The following BCAR3 variants were observed in gnomAD, a reference collection of about 807,000 sequenced individuals.
BCAR3 encodes the protein breast cancer anti-estrogen resistance protein 3.
In BCAR3, 37 loss-of-function variants were observed where a neutral mutation model predicts 80.1. The observed-to-expected ratio is 0.46, with a 90% CI of 0.36 to 0.61. The LOEUF (loss-of-function observed/expected upper bound fraction) is 0.61. Among genes scored for constraint, BCAR3 ranks in the 20% least tolerant of loss-of-function variants. The probability of loss-of-function intolerance (pLI) is 0.00; values close to 1 mark genes in which losing one functional copy is unlikely to be tolerated. For missense variants in BCAR3, 978 were observed against 1,068.2 expected, an observed-to-expected ratio of 0.92 and a Z score of 1.18; for synonymous variants, 389 against 418.9, an observed-to-expected ratio of 0.93 and a Z score of 0.87.
At chr1:93,606,175 A>G (rs72963379) in intron 3 of BCAR3, among the ~76,000 whole-genome samples, 4,854 of 152,308 alleles carry the variant, frequency 0.032, 255 homozygotes, top group African/African-American at 0.11. Flanking sequence ...AGCTCAAAGC[A>G]CTAGATACCC....
At chr1:93,831,582 C>T (rs938953356) in intron 2 of BCAR3, among the ~76,000 whole-genome samples, 4 of 152,226 alleles carry the variant, frequency 2.6e-5, no homozygotes, top group African/African-American at 4.8e-5. Context: ...GTTCCTGAAG[C>T]GACTCGTCCC....
chr1:93,572,537 A>G (rs1234700274), intron 8 of BCAR3, among the ~76,000 whole-genome samples: 2 of 152,230 alleles, frequency 1.3e-5, no homozygotes, highest in Non-Finnish European at 2.9e-5. Flanking sequence ...TCAACCTCAG[A>G]GACCCAAAAC....
At chr1:93,644,791 G>T (rs1162039288) in intron 2 of BCAR3, among the ~76,000 whole-genome samples, 1 of 152,198 alleles carries the variant, frequency 6.6e-6, no homozygotes, top group African/African-American at 2.4e-5. Flanking sequence ...CACCCAGTTT[G>T]AGCTTCTCCT....
intron 2 of BCAR3, among the ~76,000 whole-genome samples, chr1:93,659,611 A>G (rs1557643532): frequency 1.3e-5 from 2 of 152,068 alleles, no homozygotes. Context: ...GTTCTATTAG[A>G]TAAGGTTATT....
intron 3 of BCAR3, among the ~76,000 whole-genome samples, chr1:93,607,698 C>T (rs1308138753): frequency 6.6e-6 from 1 of 152,178 alleles, no homozygotes; most frequent in Non-Finnish European, 1.5e-5. Flanking sequence ...CTCAAGCTCC[C>T]GTATAGGAAG....
chr1:93,680,450 C>A (rs547948548), intron 1 of BCAR3, among the ~76,000 whole-genome samples: 2 of 152,292 alleles, frequency 1.3e-5, no homozygotes, highest in African/African-American at 4.8e-5. Flanking sequence ...CGGGTAGCCC[C>A]TTCCCACTTG....
intron 3 of BCAR3, among the ~76,000 whole-genome samples, chr1:93,639,114 G>A (rs1457468936): frequency 6.6e-6 from 1 of 152,174 alleles, no homozygotes; most frequent in African/African-American, 2.4e-5. Flanking sequence ...CAGCCCTGGG[G>A]CTTCCCAGCC....
intron 2 of BCAR3, chr1:93,752,788 T>C (rs764136923): frequency 4.6e-5 from 7 of 152,234 alleles, no homozygotes; most frequent in Non-Finnish European, 1.0e-4. Flanking sequence ...GAGTGCCTCC[T>C]TCACCATTTC....
chr1:93,609,999 G>A (rs951184436), intron 3 of BCAR3, among the ~76,000 whole-genome samples: 4 of 152,188 alleles, frequency 2.6e-5, no homozygotes, highest in African/African-American at 9.7e-5. Context: ...AGTGATAACC[G>A]ATCGTTTCCT....
intron 2 of BCAR3, among the ~76,000 whole-genome samples, chr1:93,761,503 G>T (rs1302959906): frequency 6.6e-6 from 1 of 152,174 alleles, no homozygotes; most frequent in Non-Finnish European, 1.5e-5. Context: ...GAAACCACAG[G>T]CTGGTCTTTG....
intron 9 of BCAR3, among the ~76,000 whole-genome samples, chr1:93,569,120 A>C (rs1377133846): frequency 6.6e-6 from 1 of 152,250 alleles, no homozygotes; most frequent in Non-Finnish European, 1.5e-5. Context: ...AAAACCGGCA[A>C]GGCTATGTTA....
intron 2 of BCAR3, among the ~76,000 whole-genome samples, chr1:93,659,365 TA>T (rs1647541284): frequency 6.6e-6 from 1 of 151,846 alleles, no homozygotes. Context: ...TTTTATTTTT[TA>T]TTTTTTTGTA....
Position 93,810,021 on chromosome 1 carries a change from C to T in BCAR3, c.-63+35546G>A, listed in dbSNP as rs192090108. On this transcript the variant is annotated intron_variant, in intron 2 of 13. Transcript: ENST00000370244. ...TTCGAGACCAGCCTGGCCAAGATAG[C>T]TCTACTAAAAAAAAATACAAAAATT... 1.0e-3 allele frequency among the ~76,000 whole-genome samples: 151 copies of T among 151,146 alleles called. 1 individual carries two copies. Among genetic ancestry groups the T allele is most frequent in the Middle Eastern group, 7.0e-3 (2 of 286 alleles).
intron 3 of BCAR3, among the ~76,000 whole-genome samples, chr1:93,619,826 A>G (rs1432923356): frequency 3.3e-5 from 5 of 152,244 alleles, no homozygotes; most frequent in South Asian, 4.1e-4. Flanking sequence ...CTTGTCTTCA[A>G]AATGGCTCTG....
At chr1:93,570,376 T>A (rs1222275945) in intron 9 of BCAR3, among the ~76,000 whole-genome samples, 1 of 152,114 alleles carries the variant, frequency 6.6e-6, no homozygotes, top group Non-Finnish European at 1.5e-5. Context: ...ACTAGAAAGT[T>A]TTGCTGGCTG....
At position 93,846,669 on chromosome 1, in the gene BCAR3, C is replaced by G. The variant is rs142484350; in HGVS notation, c.-209+401G>C. Among the ~76,000 whole-genome samples, 686 of 152,044 alleles carry G rather than the reference C, an allele frequency of 4.5e-3. 3 individuals carry two copies. Among genetic ancestry groups the G allele is most frequent in the Non-Finnish European group, 7.5e-3 (511 of 67,916 alleles). ...AGCGCGCGCCCTCCGACCACATGCACCCGCATACGCATGCTCCCAGCGCTC... is the reference window on the plus strand; with the variant it reads ...AGCGCGCGCCCTCCGACCACATGCAGCCGCATACGCATGCTCCCAGCGCTC... On this transcript the variant is annotated intron_variant, in intron 1 of 13. Transcript: ENST00000370244.
chr1:93,786,225 A>G (rs1420428407), intron 2 of BCAR3, among the ~76,000 whole-genome samples: 1 of 148,590 alleles, frequency 6.7e-6, no homozygotes, highest in Non-Finnish European at 1.5e-5. Flanking sequence ...AAAAAGTGCC[A>G]TGCATTTCTG....
At position 93,752,607 on chromosome 1, in the gene BCAR3, C is replaced by T. The variant is rs112810567; in HGVS notation, c.-62-46465G>A. Among the ~76,000 whole-genome samples, 514 of 152,302 alleles carry T rather than the reference C, an allele frequency of 3.4e-3. 4 individuals are homozygous for T. Among genetic ancestry groups the T allele is most frequent in the Middle Eastern group, 0.017 (5 of 294 alleles). On this transcript the variant is annotated intron_variant, in intron 2 of 13. Transcript: ENST00000370244. Reference sequence around the variant, plus strand: ...AAGAGTGGATTCATGGGTATGCATACGGTATCATTGCTCTCATTTGCATTT... The same window carrying T: ...AAGAGTGGATTCATGGGTATGCATATGGTATCATTGCTCTCATTTGCATTT...
intron 2 of BCAR3, among the ~76,000 whole-genome samples, chr1:93,724,014 G>A (rs1650495513): frequency 6.6e-6 from 1 of 152,182 alleles, no homozygotes; most frequent in Admixed American, 6.5e-5. Flanking sequence ...CTGCAGACCT[G>A]GAAGAAATGA....
Sources: gnomAD v4.1 joint callset for allele counts (sites outside exome capture counted in the v4.1 genomes callset) on GRCh38, gnomAD v4.1.1 for gene constraint, MANE v1.5 for transcripts, NCBI Gene and HGNC (gene_info 2026-07-23, HGNC 2026-07-21) for gene names.